The following USP54 variants were observed in gnomAD, a reference collection of about 807,000 sequenced individuals.
USP54 encodes the protein ubiquitin specific peptidase 54.
A neutral mutation model predicts 170.5 loss-of-function variants in USP54; 87 were observed. That is an observed-to-expected ratio of 0.51 (90% CI 0.43 to 0.61). The LOEUF (loss-of-function observed/expected upper bound fraction) is 0.61, where lower values mean the gene tolerates loss of function less well. USP54 is among the 20% of genes least tolerant of loss of function. The pLI is 0.00. For missense variants in USP54, 1,786 were observed against 2,047.8 expected (o/e 0.87, Z 2.47); for synonymous variants, 655 against 742.8 (o/e 0.88, Z 1.92).
intron 16 of USP54, 97 bp from the exon 17 acceptor site, chr10:73,523,847 C>A: frequency 1.2e-6 from 1 of 854,558 alleles, no homozygotes; most frequent in Non-Finnish European, 1.6e-6. Context: ...TTTTGGAATT[C>A]TTGCTTTCAA....
chr10:73,603,699 G>A (rs996625928), intron 1 of USP54, among the ~76,000 whole-genome samples: 1 of 149,886 alleles, frequency 6.7e-6, no homozygotes, highest in Non-Finnish European at 1.5e-5. Flanking sequence ...AGTGAGCCGA[G>A]ATCACACCAC....
chr10:73,609,844 A>G (rs540275906), intron 1 of USP54, among the ~76,000 whole-genome samples: 2 of 132,526 alleles, frequency 1.5e-5, no homozygotes, highest in African/African-American at 5.3e-5. Flanking sequence ...TTCCGTCACA[A>G]AAAAAAAAAA....
In USP54 at chr10:73,536,405, T is replaced by C; in HGVS notation, c.1008A>G (p.Lys336=). ...GGGGCTGATAATGCCCCTTGATGCA[T>C]TTGGTCACCACATCCTTCCATTTGG... The part of the protein sequence containing the change: ...IGPKWKDVVT[K]CIKGHYQPLL... The change falls in exon 11 of 24, where the codon AAA becomes AAG. Residue 336 remains lysine (K), a synonymous_variant. Transcript: ENST00000687698. 6.3e-7 allele frequency: 1 copy of C among 1,581,288 alleles called. No homozygotes were observed. The highest frequency in any genetic ancestry group is 8.6e-7 in the Non-Finnish European group (1 of 1,163,784).
At chr10:73,554,335 G>T (rs2070414572) in intron 4 of USP54, among the ~76,000 whole-genome samples, 1 of 152,144 alleles carries the variant, frequency 6.6e-6, no homozygotes, top group Non-Finnish European at 1.5e-5. Flanking sequence ...TCTCAACCTG[G>T]ACTTCCCAAT....
intron 4 of USP54, among the ~76,000 whole-genome samples, chr10:73,553,525 C>T (rs921944695): frequency 1.3e-5 from 2 of 152,138 alleles, no homozygotes; most frequent in Non-Finnish European, 2.9e-5. Flanking sequence ...CACCCTCCTC[C>T]CACCTTTCCC....
intron 7 of USP54, chr10:73,541,983 A>C: frequency 2.0e-6 from 1 of 500,324 alleles, no homozygotes; most frequent in Non-Finnish European, 3.6e-6. Context: ...AGAAAAGGGG[A>C]GGGATGGGAG....
intron 4 of USP54, among the ~76,000 whole-genome samples, chr10:73,564,264 G>A (rs951852043): frequency 8.5e-5 from 13 of 152,218 alleles, no homozygotes; most frequent in African/African-American, 3.1e-4. Flanking sequence ...GCCTCCCAGA[G>A]TGCTGAGGTT....
At chr10:73,604,254 A>G (rs2079439531) in intron 1 of USP54, among the ~76,000 whole-genome samples, 1 of 152,168 alleles carries the variant, frequency 6.6e-6, no homozygotes. Flanking sequence ...TCTCAAAAAA[A>G]CAAAACAAAA....
intron 4 of USP54, among the ~76,000 whole-genome samples, chr10:73,547,941 G>A (rs903481890): frequency 6.6e-6 from 1 of 152,086 alleles, no homozygotes; most frequent in Admixed American, 6.6e-5. Flanking sequence ...AGAGTGAACA[G>A]GCAACCTACA....
intron 15 of USP54, among the ~76,000 whole-genome samples, chr10:73,528,669 C>G (rs1025226094): frequency 2.0e-5 from 3 of 151,364 alleles, no homozygotes; most frequent in African/African-American, 7.3e-5. Flanking sequence ...TCCTGGATTC[C>G]AGCGATTCTC....
intron 4 of USP54, among the ~76,000 whole-genome samples, chr10:73,561,656 A>G (rs1181748142): frequency 6.6e-6 from 1 of 152,200 alleles, no homozygotes; most frequent in Non-Finnish European, 1.5e-5. Context: ...CAGAATGCCC[A>G]GGGAAGGAAA....
rs143471997 is a variant in USP54 at position 73,519,884 on chromosome 10, C to A, written c.2591G>T (p.Arg864Leu). Reference protein sequence around the residue: ...SIRKARSLQDRMQQQQSPQQP... With the variant: ...SIRKARSLQDLMQQQQSPQQP... ...CTGTGGTGATTGCTGCTGCTGCATG[C>A]GATCCTGCAGGCTCCGTGCTTTTCG... is the stretch of plus-strand genomic sequence containing the variant. The change falls in exon 19 of 24, where the codon CGC becomes CTC. Residue 864 changes from arginine (R) to leucine (L), a missense_variant. Physicochemically the swap from Arg to Leu is moderately radical, Grantham distance 102. Around this residue, in one of 3 missense-constraint regions of USP54, gnomAD observed 1,418 missense variants for 1,569.0 expected, o/e 0.90. Coordinates refer to ENST00000687698, the MANE Select transcript of USP54 (RefSeq NM_001391956.1). 1.2e-6 allele frequency: 2 copies of A among 1,614,088 alleles called. No individual in the cohort carries two copies. Among genetic ancestry groups the A allele is most frequent in the Non-Finnish European group, 1.7e-6 (2 of 1,180,000 alleles).
At chr10:73,581,231 C>T (rs762638055) in intron 1 of USP54, among the ~76,000 whole-genome samples, 20 of 152,154 alleles carry the variant, frequency 1.3e-4, no homozygotes, top group Non-Finnish European at 2.4e-4. Flanking sequence ...TCGAGGTGAG[C>T]GTGGGCAACA....
intron 1 of USP54, among the ~76,000 whole-genome samples, chr10:73,612,123 A>C (rs1202234956): frequency 6.6e-6 from 1 of 152,194 alleles, no homozygotes; most frequent in Non-Finnish European, 1.5e-5. Context: ...AATAAAATAA[A>C]ATAGATAGAC....
At chr10:73,587,658 C>T (rs2077679701) in intron 1 of USP54, among the ~76,000 whole-genome samples, 1 of 152,090 alleles carries the variant, frequency 6.6e-6, no homozygotes, top group Non-Finnish European at 1.5e-5. Context: ...ACAGCTGTGG[C>T]ATATTGACCA....
rs751078964 is a variant in USP54 at position 73,541,788 on chromosome 10, C to G, written c.573-50G>C. ...GATGATGGTTTGTATTTAGTTACTG[C>G]TAAATCAAACATTAATGTACATTCC... is the stretch of plus-strand genomic sequence containing the variant. On this transcript the variant is annotated intron_variant, in intron 7 of 23. Transcript: ENST00000687698. 4 of 1,535,930 alleles carry G rather than the reference C, an allele frequency of 2.6e-6. No individual in the cohort carries two copies. The South Asian group carries it at 4.5e-5, about 17-fold the overall frequency.
chr10:73,590,055 C>T (rs148970265), intron 1 of USP54, among the ~76,000 whole-genome samples: 1 of 152,304 alleles, frequency 6.6e-6, no homozygotes, highest in African/African-American at 2.4e-5. Flanking sequence ...TGAATACAAA[C>T]TACATGTTTG....
At chr10:73,568,816 A>G (rs957947487) in intron 4 of USP54, among the ~76,000 whole-genome samples, 15 of 152,308 alleles carry the variant, frequency 9.8e-5, no homozygotes, top group African/African-American at 3.4e-4. Context: ...AAGAGTCCCA[A>G]AATATTTCCT....
In USP54 at chr10:73,517,047, C is replaced by A; in HGVS notation, c.3379G>T (p.Gly1127Trp). The change falls in exon 20 of 24, where the codon GGG becomes TGG. Residue 1127 changes from glycine (G) to tryptophan (W), a missense_variant. Physicochemically the swap from Gly to Trp is radical, Grantham distance 184 (BLOSUM62 -2). Transcript: ENST00000687698. ...TGCTCAGCCAGAGAACGGACAAGCC[C>A]CTTTGTGCTGGGAAACTCTGGCCTA... Reference protein sequence around the residue: ...TYRPEFPSTKGLVRSLAEQFQ... With the variant: ...TYRPEFPSTKWLVRSLAEQFQ... The A allele has an allele frequency of 2.5e-6, 4 of 1,614,210 alleles. No individual in the cohort carries two copies. The South Asian group carries it at 4.4e-5, about 18-fold the overall frequency.
Sources: gnomAD v4.1 joint callset for allele counts (sites outside exome capture counted in the v4.1 genomes callset) on GRCh38, gnomAD v4.1.1 for gene constraint, gnomAD v4.1.1 regional missense constraint, MANE v1.5 for transcripts, NCBI Gene and HGNC (gene_info 2026-07-23, HGNC 2026-07-21) for gene names.